Variants in IRAG1 observed in about 807,000 individuals in gnomAD.
The protein encoded by IRAG1 is inositol 1,4,5-triphosphate receptor associated 1, also known as IP3R-associated cGMP kinase substrate.
Under a neutral mutation model 106.2 loss-of-function variants are expected in IRAG1, and 62 were observed. That is an observed-to-expected ratio of 0.58 (90% CI 0.48 to 0.72). The LOEUF is 0.72. Among genes scored for constraint, IRAG1 ranks in the 30% least tolerant of loss-of-function variants. The pLI is 0.00. For synonymous variants in IRAG1, 462 were observed against 443.9 expected (o/e 1.04, Z -0.51); for missense variants, 1,064 against 1,140.7 (o/e 0.93, Z 0.97).
chr11:10,604,543 G>A lies in IRAG1; in HGVS notation c.1605C>T (p.Asn535=), dbSNP rs763775676. 8.7e-6 allele frequency: 14 copies of A among 1,614,018 alleles called. No individual in the cohort carries two copies. Among genetic ancestry groups the A allele is most frequent in the Admixed American group, 3.3e-5 (2 of 60,026 alleles). ...AGGCCAAGGACAGTTGCACAAACAC[G>A]TTCTGTTGGGAACAAGGGTGTGAGA... is the stretch of plus-strand genomic sequence containing the variant. ...APPLTEKEVE[N]VFVQLSLAFR... The change falls in exon 13 of 21, where the codon AAC becomes AAT. Residue 535 remains asparagine, a splice_region_variant and synonymous_variant. Transcript: ENST00000423302.
At chr11:10,672,965 A>G (rs1169264319) in intron 1 of IRAG1, among the ~76,000 whole-genome samples, 2 of 152,240 alleles carry the variant, frequency 1.3e-5, no homozygotes, top group Non-Finnish European at 1.5e-5. Flanking sequence ...GTATATTCAT[A>G]CAATAGAATC....
rs374742207 is a variant in IRAG1 at position 10,629,553 on chromosome 11, C to T, written c.559G>A (p.Gly187Arg). Residue 187 changes from glycine to arginine, a missense_variant, in exon 5 of 21, where the codon GGA becomes AGA. Coordinates refer to ENST00000423302, the MANE Select transcript of IRAG1 (RefSeq NM_130385.4). ...GCCACCCTACCTGATGGGGAGTCTC[C>T]GGGGCTGCTCCTGGACTTCCTCCCA... ...RRGRKSRSSP[G>R]DSPSAVSPNL... The T allele has an allele frequency of 5.5e-5, 88 of 1,613,344 alleles. No homozygotes were observed. In the South Asian group the frequency reaches 7.0e-4, roughly 13 times the overall value.
At chr11:10,653,810 G>A (rs922949104) in intron 1 of IRAG1, among the ~76,000 whole-genome samples, 8 of 152,180 alleles carry the variant, frequency 5.3e-5, no homozygotes, top group African/African-American at 1.9e-4. Context: ...GCTCTGCCTG[G>A]CCTCTCCCCA....
rs1850795258 is a variant in IRAG1, at chr11:10,576,019, G to C, written c.*313C>G. ...CCCCGCTCCTTACCCCCAACCACCA[G>C]TGAAGGTGTTTTAGTTCTCCCCAGC... is the stretch of plus-strand genomic sequence containing the variant. On this transcript the variant is annotated 3_prime_UTR_variant, in exon 21 of 21. Transcript: ENST00000423302. The C allele has an allele frequency of 3.5e-5, 12 of 338,478 alleles. No individual in the cohort carries two copies. The South Asian group carries it at 4.5e-4, about 13-fold the overall frequency. 21.0% of individuals were successfully genotyped at this position (338,478 alleles called of 1,614,324 possible).
At chr11:10,680,476 G>A (rs1861144669) in intron 1 of IRAG1, among the ~76,000 whole-genome samples, 1 of 140,632 alleles carries the variant, frequency 7.1e-6, no homozygotes, top group Non-Finnish European at 1.5e-5. Context: ...AAGGAAGGAA[G>A]GAGAGGAAGG....
At chr11:10,648,648 G>C (rs34873421) in intron 2 of IRAG1, among the ~76,000 whole-genome samples, 2,315 of 152,224 alleles carry the variant, frequency 0.015, 42 homozygotes, top group Non-Finnish European at 0.021. Context: ...TCTTCCCTTT[G>C]AGTCTCTCCC....
In IRAG1 at chr11:10,575,705, T is replaced by C. The variant is rs988951824; in HGVS notation, c.*627A>G. The C allele has an allele frequency of 6.3e-6, 1 of 159,436 alleles. No homozygotes were observed. Among genetic ancestry groups the C allele is most frequent in the Non-Finnish European group, 1.4e-5 (1 of 71,670 alleles). The allele number at this position is 159,436 out of a possible 1,614,324, so 9.9% of individuals were successfully genotyped here. On this transcript the variant is annotated 3_prime_UTR_variant, in exon 21 of 21. Coordinates refer to ENST00000423302, the MANE Select transcript of IRAG1 (RefSeq NM_130385.4). ...GGACAGATGCGTATATAATAATTCA[T>C]ATCTTCCCATTTCAAGCACTGAGCT...
At chr11:10,623,952 G>A (rs1420722207) in intron 9 of IRAG1, 96 bp from the exon 10 acceptor site, 2 of 1,196,322 alleles carry the variant, frequency 1.7e-6, no homozygotes, top group Non-Finnish European at 2.4e-6. Context: ...CACTATCTTA[G>A]GTGGGAAAGC....
At chr11:10,671,906 C>T (rs1447335798) in intron 1 of IRAG1, among the ~76,000 whole-genome samples, 1 of 151,626 alleles carries the variant, frequency 6.6e-6, no homozygotes, top group African/African-American at 2.4e-5. Context: ...TCAAAACAAA[C>T]TAAAAAGAAG....
intron 10 of IRAG1, among the ~76,000 whole-genome samples, chr11:10,611,140 A>T (rs1014142567): frequency 6.6e-6 from 1 of 152,206 alleles, no homozygotes; most frequent in Non-Finnish European, 1.5e-5. Flanking sequence ...CAGTAAGAGA[A>T]TGGTAGGCAT....
rs777547660 is a variant in IRAG1, at chr11:10,628,765, AC to A, written c.637del (p.Val213SerfsTer44). On this transcript the variant is annotated frameshift_variant, in exon 6 of 21. Coordinates refer to ENST00000423302, the MANE Select transcript of IRAG1 (RefSeq NM_130385.4). LOFTEE classifies it high-confidence loss of function. The surrounding 1 kb of genome is among the most constrained non-coding windows in gnomAD (Gnocchi z 4.1). ...PTSSRSNSLT[V>X]PTPPGLDVCS... is the part of the protein sequence containing the mutation. Reference sequence around the variant, plus strand: ...CTGGGCCTCACCTGGCGGGGTGGGGACTGTAAGTGAGTTGCTCCGAGAGGAT... The same window carrying A: ...CTGGGCCTCACCTGGCGGGGTGGGGATGTAAGTGAGTTGCTCCGAGAGGAT... 1 of 1,543,820 alleles carries A rather than the reference AC, an allele frequency of 6.5e-7. No individual in the cohort carries two copies. The highest frequency in any genetic ancestry group is 2.2e-5 in the Admixed American group (1 of 45,726).
chr11:10,654,630 G>A (rs1444725713), intron 1 of IRAG1, among the ~76,000 whole-genome samples: 10 of 152,218 alleles, frequency 6.6e-5, no homozygotes, highest in Non-Finnish European at 1.2e-4. Flanking sequence ...GGTAGGAGAC[G>A]CTGGAGAACA....
At chr11:10,650,479 G>C (rs912391191) in intron 2 of IRAG1, among the ~76,000 whole-genome samples, 6 of 152,188 alleles carry the variant, frequency 3.9e-5, no homozygotes, top group Admixed American at 2.6e-4. Context: ...CTGAGAATCT[G>C]ATTCAAGGGT....
At chr11:10,588,109 G>A (rs1283774397) in intron 18 of IRAG1, among the ~76,000 whole-genome samples, 1 of 152,212 alleles carries the variant, frequency 6.6e-6, no homozygotes, top group African/African-American at 2.4e-5. Context: ...GTAGTTAACA[G>A]TAATTACCAT....
rs543008313 is a variant in IRAG1 at position 10,665,410 on chromosome 11, C to T, written c.68-13228G>A. Among the ~76,000 whole-genome samples the T allele has an allele frequency of 4.7e-4, 72 of 152,294 alleles. No individual in the cohort carries two copies. The highest frequency in any genetic ancestry group is 1.5e-3 in the African/African-American group (64 of 41,544). On this transcript the variant is annotated intron_variant, in intron 1 of 20. Transcript: ENST00000423302. The surrounding 1 kb of genome is among the most constrained non-coding windows in gnomAD (Gnocchi z 4.2). ...CTGTTAGGGCTCCAGAGGAGTGACT[C>T]GGTTTGACCAACCTCCATGTTCCTG...
At chr11:10,596,701 TC>T (rs1853353790) in intron 15 of IRAG1, among the ~76,000 whole-genome samples, 1 of 152,248 alleles carries the variant, frequency 6.6e-6, no homozygotes, top group Admixed American at 6.5e-5. Flanking sequence ...AATTTATTTC[TC>T]TGAACTATAC....
intron 14 of IRAG1, 138 bp from the exon 15 acceptor site, chr11:10,601,197 T>G: frequency 1.6e-6 from 2 of 1,219,788 alleles, no homozygotes; most frequent in Non-Finnish European, 2.3e-6. Flanking sequence ...AAGAGTTTGC[T>G]GTCTGCCATG....
At chr11:10,615,994 CTACG>C in intron 10 of IRAG1, among the ~76,000 whole-genome samples, 2 of 106,182 alleles carry the variant, frequency 1.9e-5, no homozygotes, top group African/African-American at 5.5e-5. Context: ...GTATAATATA[CTACG>C]ATTTATGTTT....
At chr11:10,621,058 TTG>T (rs1855801229) in intron 10 of IRAG1, among the ~76,000 whole-genome samples, 1 of 152,002 alleles carries the variant, frequency 6.6e-6, no homozygotes, top group African/African-American at 2.4e-5. Context: ...AGAAGAAAAA[TTG>T]TTAGTTTTTC....
Sources: gnomAD v4.1 joint callset for allele counts (sites outside exome capture counted in the v4.1 genomes callset) on GRCh38, gnomAD v4.1.1 for gene constraint, Gnocchi (gnomAD v3.1) non-coding constraint, MANE v1.5 for transcripts, NCBI Gene and HGNC (gene_info 2026-07-23, HGNC 2026-07-21) for gene names.